Variants in B4GALT6 observed in about 807,000 individuals in gnomAD.
The protein encoded by B4GALT6 is UDP-Gal:beta-GlcNAc beta-1,4-galactosyltransferase 6.
A neutral mutation model predicts 46.3 loss-of-function variants in B4GALT6; 14 were observed. That is an observed-to-expected ratio of 0.30 (90% CI 0.20 to 0.47). The LOEUF (loss-of-function observed/expected upper bound fraction) is 0.47. Ranked by LOEUF, B4GALT6 falls within the 20% of genes least tolerant of loss-of-function variation. The probability of loss-of-function intolerance (pLI) is 0.99; values close to 1 mark genes in which losing one functional copy is unlikely to be tolerated. For synonymous variants in B4GALT6, 168 were observed against 162.0 expected (o/e 1.04, Z -0.28); for missense variants, 386 against 480.1 (o/e 0.80, Z 1.83).
intron 1 of B4GALT6, among the ~76,000 whole-genome samples, chr18:31,681,066 A>G (rs751810344): frequency 1.6e-4 from 25 of 152,060 alleles, no homozygotes; most frequent in Non-Finnish European, 2.5e-4. Context: ...GGCTCAGCCC[A>G]TTGTACTATG....
the B4GALT6 span, among the ~76,000 whole-genome samples, chr18:31,709,434 C>CATAG: frequency 7.6e-6 from 1 of 130,960 alleles, no homozygotes; most frequent in African/African-American, 3.0e-5. Context: ...GCAATTCATA[C>CATAG]ATATATATAT....
At chr18:31,669,120 T>C (rs951468984) in intron 1 of B4GALT6, among the ~76,000 whole-genome samples, 1 of 152,180 alleles carries the variant, frequency 6.6e-6, no homozygotes, top group African/African-American at 2.4e-5. Context: ...CCAGAAATTG[T>C]ATTAGGTGTA....
the B4GALT6 span, among the ~76,000 whole-genome samples, chr18:31,695,272 C>T: frequency 6.8e-6 from 1 of 146,786 alleles, no homozygotes; most frequent in Non-Finnish European, 1.5e-5. Flanking sequence ...ATAGTTCTGC[C>T]ACTTCTCCTC....
At chr18:31,663,182 C>T (rs1024559525) in intron 2 of B4GALT6, among the ~76,000 whole-genome samples, 1 of 152,198 alleles carries the variant, frequency 6.6e-6, no homozygotes, top group African/African-American at 2.4e-5. Context: ...GAGGACAGCA[C>T]CAAAGAACAC....
chr18:31,709,873 A>C, the B4GALT6 span, among the ~76,000 whole-genome samples: 1 of 151,984 alleles, frequency 6.6e-6, no homozygotes, highest in Non-Finnish European at 1.5e-5. Context: ...CAGGCCGATC[A>C]TCTGAGGTCA....
chr18:31,689,909 G>A (rs548347006), upstream of B4GALT6, among the ~76,000 whole-genome samples: 2 of 152,178 alleles, frequency 1.3e-5, no homozygotes, highest in East Asian at 1.9e-4. Flanking sequence ...GAGAAAGTTC[G>A]TAAACTTGGC....
At chr18:31,709,553 ATGTGTG>A in the B4GALT6 span, among the ~76,000 whole-genome samples, 9,400 of 126,708 alleles carry the variant, frequency 0.074, 434 homozygotes, top group African/African-American at 0.1. Context: ...TAGGATATAT[ATGTGTG>A]TGTGTGTGTG....
chr18:31,654,813 T>C (rs1258377732), intron 3 of B4GALT6, among the ~76,000 whole-genome samples: 1 of 152,246 alleles, frequency 6.6e-6, no homozygotes, highest in Non-Finnish European at 1.5e-5. Context: ...AATTATTTTG[T>C]GTAACTATTA....
upstream of B4GALT6, among the ~76,000 whole-genome samples, chr18:31,688,369 A>G (rs953560002): frequency 6.6e-6 from 1 of 151,464 alleles, no homozygotes; most frequent in African/African-American, 2.4e-5. Context: ...GAAAAAAGAT[A>G]TTGGTCCCTG....
At chr18:31,684,162 G>C in intron 1 of B4GALT6, 150 bp downstream of exon 1, 2 of 1,317,942 alleles carry the variant, frequency 1.5e-6, no homozygotes, top group South Asian at 1.5e-5. Context: ...CCCTGAAGCA[G>C]TTTGACACGT....
the B4GALT6 span, among the ~76,000 whole-genome samples, chr18:31,716,929 A>C: frequency 6.6e-6 from 1 of 151,890 alleles, no homozygotes; most frequent in African/African-American, 2.4e-5. Flanking sequence ...GTGAAACCCC[A>C]CCTCCACTAA....
the B4GALT6 span, among the ~76,000 whole-genome samples, chr18:31,694,708 C>A: frequency 6.6e-6 from 1 of 152,158 alleles, no homozygotes; most frequent in African/African-American, 2.4e-5. Context: ...AAAATAACTT[C>A]TTTCAATAGA....
At chr18:31,669,856 G>T (rs887279999) in intron 1 of B4GALT6, among the ~76,000 whole-genome samples, 4 of 152,038 alleles carry the variant, frequency 2.6e-5, no homozygotes, top group African/African-American at 9.7e-5. Context: ...TCTTATATTT[G>T]TGCTACACCA....
chr18:31,663,687 T>TA (rs1567976604), intron 2 of B4GALT6, among the ~76,000 whole-genome samples: 1 of 152,240 alleles, frequency 6.6e-6, no homozygotes, highest in Non-Finnish European at 1.5e-5. Context: ...GTACACCTTA[T>TA]AGGCCATTAT....
At chr18:31,715,061 C>G in the B4GALT6 span, among the ~76,000 whole-genome samples, 1 of 152,236 alleles carries the variant, frequency 6.6e-6, no homozygotes, top group East Asian at 1.9e-4. Context: ...AAATTTTACA[C>G]CTATGGCCCT....
chr18:31,640,653 T>C (rs1243229922), intron 4 of B4GALT6, among the ~76,000 whole-genome samples: 1 of 152,226 alleles, frequency 6.6e-6, no homozygotes, highest in African/African-American at 2.4e-5. Flanking sequence ...CATTCCTTTT[T>C]GGTTTCCCCA....
At chr18:31,720,731 C>T in the B4GALT6 span, among the ~76,000 whole-genome samples, 1 of 152,138 alleles carries the variant, frequency 6.6e-6, no homozygotes, top group Non-Finnish European at 1.5e-5. Context: ...TGTGTGTCAC[C>T]CTGCTCACCA....
At chr18:31,722,245 A>T in the B4GALT6 span, among the ~76,000 whole-genome samples, 1 of 152,338 alleles carries the variant, frequency 6.6e-6, no homozygotes, top group African/African-American at 2.4e-5. Context: ...GTATATGGAT[A>T]CTACCATTCA....
At chr18:31,661,041 C>T (rs1362159437) in intron 2 of B4GALT6, among the ~76,000 whole-genome samples, 5 of 152,148 alleles carry the variant, frequency 3.3e-5, no homozygotes, top group South Asian at 2.1e-4. Context: ...GGAAAATCAG[C>T]GATAGATTAA....
Sources: gnomAD v4.1 joint callset for allele counts (sites outside exome capture counted in the v4.1 genomes callset) on GRCh38, gnomAD v4.1.1 for gene constraint, MANE v1.5 for transcripts, NCBI Gene and HGNC (gene_info 2026-07-23, HGNC 2026-07-21) for gene names.